Variants in DLGAP2 observed in about 807,000 individuals in gnomAD.
The protein encoded by DLGAP2 is disks large-associated protein 2.
In DLGAP2, 26 loss-of-function variants were observed where a neutral mutation model predicts 100.3. That is an observed-to-expected ratio of 0.26 (90% CI 0.19 to 0.36). The LOEUF is 0.36. DLGAP2 is among the 10% of genes least tolerant of loss of function. DLGAP2 has a pLI of 1.00. For missense variants in DLGAP2, 1,858 were observed against 1,453.2 expected (o/e 1.28, Z -4.53); for synonymous variants, 886 against 630.1 (o/e 1.41, Z -6.08).
At chr8:829,277 G>C (rs1487105756) in intron 1 of DLGAP2, among the ~76,000 whole-genome samples, 1 of 152,196 alleles carries the variant, frequency 6.6e-6, no homozygotes, top group Non-Finnish European at 1.5e-5. Flanking sequence ...TGGAAACCAA[G>C]TTCTAGTTCA....
intron 2 of DLGAP2, among the ~76,000 whole-genome samples, chr8:1,027,373 G>C (rs1448396645): frequency 1.3e-5 from 2 of 149,868 alleles, no homozygotes; most frequent in East Asian, 2.0e-4. Flanking sequence ...TATTCTCCAG[G>C]TGGGGTGCTT....
intron 2 of DLGAP2, among the ~76,000 whole-genome samples, chr8:1,139,207 G>A (rs76191553): frequency 1.6e-4 from 25 of 152,224 alleles, no homozygotes; most frequent in South Asian, 4.1e-4. Flanking sequence ...TGCACAGGGC[G>A]GGGGGAGCTC....
chr8:738,556 C>G (rs1451020358), intron 1 of DLGAP2: 1 of 152,262 alleles, frequency 6.6e-6, no homozygotes, highest in Non-Finnish European at 1.5e-5. Context: ...GCGGCTGTTG[C>G]TGTCTCCGGC....
intron 6 of DLGAP2, chr8:1,604,876 T>C (rs1239432860): frequency 6.6e-6 from 1 of 152,214 alleles, no homozygotes; most frequent in Non-Finnish European, 1.5e-5. Flanking sequence ...GAATCATAGC[T>C]TCTCTGTGAT....
chr8:1,445,003 C>A (rs1797944400), intron 3 of DLGAP2, among the ~76,000 whole-genome samples: 1 of 151,236 alleles, frequency 6.6e-6, no homozygotes. Flanking sequence ...ATCTCTTGAC[C>A]TTGTGATCCA....
intron 2 of DLGAP2, among the ~76,000 whole-genome samples, chr8:1,128,054 C>A (rs1032982437): frequency 6.6e-6 from 1 of 152,244 alleles, no homozygotes; most frequent in Non-Finnish European, 1.5e-5. Context: ...CATTTCAATA[C>A]GGTTGTGCAC....
intron 2 of DLGAP2, among the ~76,000 whole-genome samples, chr8:1,135,407 G>A (rs1796384633): frequency 6.6e-6 from 1 of 152,010 alleles, no homozygotes; most frequent in African/African-American, 2.4e-5. Flanking sequence ...GCCTTTGAGG[G>A]TGCGTCAGTG....
chr8:737,845 G>A lies in DLGAP2; in HGVS notation c.18+20G>A. 1 of 376,770 alleles carries A rather than the reference G, an allele frequency of 2.7e-6. No homozygotes were observed. The highest frequency in any genetic ancestry group is 4.7e-6 in the Non-Finnish European group (1 of 211,776). 23.3% of individuals were successfully genotyped at this position (376,770 alleles called of 1,614,324 possible). On this transcript the variant is annotated intron_variant, in intron 1 of 14. Transcript: ENST00000637795. ...AGGAAGGTGCGAGCCGCCGGGGGCT[G>A]CCGGGAGCCGGGCGCGGGGCTCCGA...
chr8:770,992 A>G (rs988204818), intron 1 of DLGAP2, among the ~76,000 whole-genome samples: 3 of 151,868 alleles, frequency 2.0e-5, no homozygotes, highest in Non-Finnish European at 2.9e-5. Context: ...TTACTGCTAG[A>G]TGTTTTTATG....
At chr8:1,207,227 AC>A (rs1378710548) in intron 2 of DLGAP2, among the ~76,000 whole-genome samples, 2 of 151,508 alleles carry the variant, frequency 1.3e-5, no homozygotes, top group Admixed American at 1.3e-4. Flanking sequence ...TTTATCCTCC[AC>A]CCCTTCCCAT....
intron 1 of DLGAP2, among the ~76,000 whole-genome samples, chr8:743,432 TG>T (rs1325913448): frequency 6.6e-6 from 1 of 152,074 alleles, no homozygotes; most frequent in African/African-American, 2.4e-5. Flanking sequence ...GCTGGGGTTG[TG>T]TAATATATAA....
chr8:853,915 T>C (rs1192430970), intron 1 of DLGAP2, among the ~76,000 whole-genome samples: 1 of 152,046 alleles, frequency 6.6e-6, no homozygotes, highest in African/African-American at 2.4e-5. Flanking sequence ...TGGGAGGTCA[T>C]GAAGTCATGA....
At chr8:1,676,414 C>G in intron 10 of DLGAP2, 119 bp from the exon 11 acceptor site, 1 of 1,043,024 alleles carries the variant, frequency 9.6e-7, no homozygotes, top group Non-Finnish European at 1.4e-6. Context: ...TCAAGTGCAC[C>G]GCTGCATTAA....
intron 3 of DLGAP2, among the ~76,000 whole-genome samples, chr8:1,391,404 T>C (rs10866924): frequency 0.71 from 107,809 of 152,132 alleles, 38,266 homozygotes; most frequent in Admixed American, 0.72. Flanking sequence ...GCACGCGGCT[T>C]ATCCAGGGAC....
chr8:1,026,433 G>A (rs114829016), intron 2 of DLGAP2, among the ~76,000 whole-genome samples: 2,693 of 152,258 alleles, frequency 0.018, 74 homozygotes, highest in African/African-American at 0.063. Context: ...CTGCACCCTG[G>A]AATGCCTTGC....
chr8:815,687 G>C (rs556148644), intron 1 of DLGAP2, among the ~76,000 whole-genome samples: 1 of 152,170 alleles, frequency 6.6e-6, no homozygotes. Context: ...TTTATTGAAT[G>C]TCTTGAATTC....
chr8:1,207,786 G>T (rs986181154), intron 2 of DLGAP2, among the ~76,000 whole-genome samples: 1 of 152,178 alleles, frequency 6.6e-6, no homozygotes, highest in Non-Finnish European at 1.5e-5. Flanking sequence ...GTCACACTGT[G>T]GTTTTTTTAT....
At chr8:1,568,684 GT>G (rs71190748) in intron 6 of DLGAP2, among the ~76,000 whole-genome samples, 1 of 67,246 alleles carries the variant, frequency 1.5e-5, no homozygotes, top group Non-Finnish European at 2.8e-5. Flanking sequence ...ACACAAATCC[GT>G]CTCTGCCCGT....
At chr8:1,277,279 A>G (rs767370784) in intron 3 of DLGAP2, among the ~76,000 whole-genome samples, 1 of 152,162 alleles carries the variant, frequency 6.6e-6, no homozygotes, top group African/African-American at 2.4e-5. Context: ...ATCTGTGCCT[A>G]TGTAGCCCCC....
Sources: allele counts gnomAD v4.1 joint callset (sites outside exome capture counted in the v4.1 genomes callset), GRCh38; gene constraint gnomAD v4.1.1; transcripts MANE v1.5; gene names NCBI Gene and HGNC (gene_info 2026-07-23, HGNC 2026-07-21).